Variants in FARS2 observed in about 807,000 individuals in gnomAD.
FARS2 encodes phenylalanyl-tRNA synthetase 2, mitochondrial, also known as phenylalanine--tRNA ligase, mitochondrial.
In FARS2, 40 loss-of-function variants were observed where a neutral mutation model predicts 46.4. The observed-to-expected ratio is 0.86, with a 90% CI of 0.67 to 1.12. The LOEUF is 1.12. FARS2 is among the 50% of genes most tolerant of loss of function. The probability of loss-of-function intolerance (pLI) is 0.00; values close to 1 mark genes in which losing one functional copy is unlikely to be tolerated. For missense variants in FARS2, 513 were observed against 567.9 expected (o/e 0.90, Z 0.98); for synonymous variants, 234 against 214.9 (o/e 1.09, Z -0.78).
intron 1 of FARS2, among the ~76,000 whole-genome samples, chr6:5,335,184 C>T (rs538723714): frequency 1.3e-5 from 2 of 152,316 alleles, no homozygotes; most frequent in South Asian, 4.1e-4. Flanking sequence ...TCAGTATTCT[C>T]ACTTCAGGAT....
intron 6 of FARS2, among the ~76,000 whole-genome samples, chr6:5,744,196 G>A (rs1487277761): frequency 6.6e-6 from 1 of 152,186 alleles, no homozygotes; most frequent in Non-Finnish European, 1.5e-5. Context: ...CCTGTTACAG[G>A]CCTAGGGACG....
At chr6:5,539,920 A>G (rs2150485378) in intron 4 of FARS2, among the ~76,000 whole-genome samples, 1 of 152,142 alleles carries the variant, frequency 6.6e-6, no homozygotes, top group South Asian at 2.1e-4. Flanking sequence ...GCTCCGTCTC[A>G]CCCTGCTCCA....
intron 6 of FARS2, among the ~76,000 whole-genome samples, chr6:5,759,914 C>T (rs1212436672): frequency 6.6e-6 from 1 of 152,160 alleles, no homozygotes; most frequent in Non-Finnish European, 1.5e-5. Context: ...GAACATGTTA[C>T]TTGTATGATG....
At position 5,707,434 on chromosome 6, in the gene FARS2, C is replaced by T. The variant is rs573402929; in HGVS notation, c.1218-63857C>T. Among the ~76,000 whole-genome samples the T allele has an allele frequency of 7.9e-5, 12 of 152,286 alleles. 1 individual carries two copies. The highest frequency in any genetic ancestry group is 7.7e-4 in the East Asian group (4 of 5,178). Reference sequence around the variant, plus strand: ...CACGTGGCCTAAGGGGAGGCGTAGACGGTTGCAACTGGATCAGAGATATTG... The same window carrying T: ...CACGTGGCCTAAGGGGAGGCGTAGATGGTTGCAACTGGATCAGAGATATTG... On this transcript the variant is annotated intron_variant, in intron 6 of 6. Transcript: ENST00000274680.
At position 5,471,642 on chromosome 6, in the gene FARS2, A is replaced by G. The variant is rs998583635; in HGVS notation, c.904+40470A>G. 2.0e-5 allele frequency among the ~76,000 whole-genome samples: 3 copies of G among 152,240 alleles called. No individual in the cohort carries two copies. The highest frequency in any genetic ancestry group is 4.4e-5 in the Non-Finnish European group (3 of 68,044). On this transcript the variant is annotated intron_variant, in intron 4 of 6. Transcript: ENST00000274680. The surrounding 1 kb of genome is among the most constrained non-coding windows in gnomAD (Gnocchi z 4.1). ...GCCCTTAAGAAAAGGAAAATGAAAA[A>G]TAAATAGCAGTCCTGGAATCCTATT...
At chr6:5,414,761 T>C (rs966002273) in intron 3 of FARS2, among the ~76,000 whole-genome samples, 12 of 151,862 alleles carry the variant, frequency 7.9e-5, no homozygotes, top group African/African-American at 2.9e-4. Context: ...CTTTTTTTTT[T>C]CTTGAGTAAA....
chr6:5,699,463 C>G (rs1462148558), intron 6 of FARS2, among the ~76,000 whole-genome samples: 1 of 152,108 alleles, frequency 6.6e-6, no homozygotes, highest in Non-Finnish European at 1.5e-5. Flanking sequence ...CAGGCCCCAC[C>G]CCAGACCTGC....
chr6:5,369,242 A>C, intron 2 of FARS2, 60 bp downstream of exon 2: 5 of 1,528,408 alleles, frequency 3.3e-6, no homozygotes, highest in Non-Finnish European at 3.5e-6. Context: ...TGTTGAGGTC[A>C]CTAACATTTA....
In FARS2 at chr6:5,726,037, G is replaced by T. The variant is rs75945226; in HGVS notation, c.1218-45254G>T. 3.9e-5 allele frequency among the ~76,000 whole-genome samples: 6 copies of T among 152,332 alleles called. No homozygotes were observed. The East Asian group carries it at 1.2e-3, about 29-fold the overall frequency. On this transcript the variant is annotated intron_variant, in intron 6 of 6. Coordinates refer to ENST00000274680, the MANE Select transcript of FARS2 (RefSeq NM_006567.5). ...GAGGTGGATGAATTTGGGTCAGTGG[G>T]TGTCATTCACAGTAGGGCACAGTAG...
chr6:5,384,049 T>G (rs1183811311), intron 2 of FARS2, among the ~76,000 whole-genome samples: 1 of 152,166 alleles, frequency 6.6e-6, no homozygotes, highest in Non-Finnish European at 1.5e-5. Flanking sequence ...TTCTCCTACT[T>G]TACATGGTGG....
At chr6:5,287,383 G>A (rs1236826822) in intron 1 of FARS2, among the ~76,000 whole-genome samples, 2 of 152,264 alleles carry the variant, frequency 1.3e-5, no homozygotes, top group Non-Finnish European at 2.9e-5. Flanking sequence ...ACTGCTCACG[G>A]AGGTGTCCTC....
chr6:5,639,720 C>CTAAGT (rs77627476), intron 6 of FARS2, among the ~76,000 whole-genome samples: 9 of 152,166 alleles, frequency 5.9e-5, no homozygotes, highest in Admixed American at 6.5e-5. Context: ...TGAGTGTAAG[C>CTAAGT]GCTTGAAAAG....
chr6:5,365,959 G>A (rs546855395), intron 1 of FARS2, among the ~76,000 whole-genome samples: 1 of 152,240 alleles, frequency 6.6e-6, no homozygotes, highest in South Asian at 2.1e-4. Context: ...AGGCTGAAGA[G>A]GAAGAGGAGG....
chr6:5,278,123 T>G (rs1205896324), intron 1 of FARS2, among the ~76,000 whole-genome samples: 1 of 152,210 alleles, frequency 6.6e-6, no homozygotes, highest in Non-Finnish European at 1.5e-5. Flanking sequence ...GGGGAAGGAC[T>G]GAACAGAGCC....
intron 3 of FARS2, among the ~76,000 whole-genome samples, chr6:5,422,380 T>TC (rs1562028801): frequency 1.4e-4 from 20 of 145,102 alleles, no homozygotes; most frequent in Non-Finnish European, 2.9e-4. Flanking sequence ...CTCTCTCTCT[T>TC]TTTTTTTTAA....
intron 6 of FARS2, among the ~76,000 whole-genome samples, chr6:5,649,997 G>A (rs1224470454): frequency 6.6e-6 from 1 of 152,168 alleles, no homozygotes; most frequent in Non-Finnish European, 1.5e-5. Context: ...GAAAGGTTCA[G>A]GTGACAATCG....
At chr6:5,728,790 T>C (rs1760434598) in intron 6 of FARS2, among the ~76,000 whole-genome samples, 1 of 152,212 alleles carries the variant, frequency 6.6e-6, no homozygotes, top group Non-Finnish European at 1.5e-5. Flanking sequence ...ACTCTCCCGA[T>C]GTGAGCTGTG....
chr6:5,596,451 T>C (rs924736367), intron 5 of FARS2, among the ~76,000 whole-genome samples: 1 of 152,320 alleles, frequency 6.6e-6, no homozygotes, highest in South Asian at 2.1e-4. Context: ...GTGATAGTTT[T>C]TGGAGAAAGA....
intron 6 of FARS2, among the ~76,000 whole-genome samples, chr6:5,712,479 C>T (rs1229608308): frequency 6.6e-6 from 1 of 152,132 alleles, no homozygotes; most frequent in Admixed American, 6.6e-5. Context: ...CTTCTGCACC[C>T]ACCTTTTAGA....
Sources: allele counts gnomAD v4.1 joint callset (sites outside exome capture counted in the v4.1 genomes callset), GRCh38; gene constraint gnomAD v4.1.1; non-coding constraint Gnocchi (gnomAD v3.1); transcripts MANE v1.5; gene names NCBI Gene and HGNC (gene_info 2026-07-23, HGNC 2026-07-21).